The following NLGN1 variants were observed in gnomAD, a reference collection of about 807,000 sequenced individuals.
The protein encoded by NLGN1 is neuroligin-1.
In NLGN1, 12 loss-of-function variants were observed where a neutral mutation model predicts 65.5. That is an observed-to-expected ratio of 0.18 (90% CI 0.12 to 0.30). The LOEUF (loss-of-function observed/expected upper bound fraction) is 0.30, where lower values mean the gene tolerates loss of function less well. Among genes scored for constraint, NLGN1 ranks in the 10% least tolerant of loss-of-function variants. The pLI, the probability that NLGN1 is intolerant of heterozygous loss-of-function variation, is 1.00. For missense variants in NLGN1, 750 were observed against 1,007.1 expected, an observed-to-expected ratio of 0.74 and a Z score of 3.46; for synonymous variants, 350 against 359.5, an observed-to-expected ratio of 0.97 and a Z score of 0.30.
intron 3 of NLGN1, among the ~76,000 whole-genome samples, chr3:173,671,192 C>T (rs138417743): frequency 6.8e-4 from 104 of 152,232 alleles, no homozygotes; most frequent in South Asian, 2.1e-3. Context: ...AAACCTATAG[C>T]GAAATAATAT....
chr3:174,232,419 T>G (rs1016735630), intron 4 of NLGN1, among the ~76,000 whole-genome samples: 1 of 152,172 alleles, frequency 6.6e-6, no homozygotes, highest in African/African-American at 2.4e-5. Context: ...ATGGCTTAGC[T>G]TGGGCTCAGA....
chr3:173,803,046 G>T lies in NLGN1; in HGVS notation c.494-4634G>T, dbSNP rs139274024. On this transcript the variant is annotated intron_variant, in intron 3 of 6. Coordinates refer to ENST00000457714, the Ensembl canonical transcript of NLGN1. ...TAGTAGAGACATGGTTCATCATGTT[G>T]GCCAGGCTGGTCTCGAACTCCTGAC... is the stretch of plus-strand genomic sequence containing the variant. 4.5e-3 allele frequency among the ~76,000 whole-genome samples: 688 copies of T among 151,796 alleles called. 4 individuals are homozygous for T. Among genetic ancestry groups the T allele is most frequent in the Middle Eastern group, 0.031 (9 of 294 alleles).
At chr3:173,486,376 A>G (rs192681224) in intron 2 of NLGN1, among the ~76,000 whole-genome samples, 1 of 152,170 alleles carries the variant, frequency 6.6e-6, no homozygotes, top group East Asian at 1.9e-4. Context: ...TATGCTTCTA[A>G]TGTTCACCGA....
intron 4 of NLGN1, among the ~76,000 whole-genome samples, chr3:174,266,044 AT>A (rs1392472087): frequency 1.1e-4 from 13 of 123,010 alleles, no homozygotes; most frequent in African/African-American, 4.6e-4. Flanking sequence ...ATATATATAT[AT>A]ATTTTTTTTT....
chr3:173,862,950 A>G (rs1729432525), intron 4 of NLGN1, among the ~76,000 whole-genome samples: 2 of 152,154 alleles, frequency 1.3e-5, no homozygotes, highest in Admixed American at 1.3e-4. Flanking sequence ...CTCTGCAAAT[A>G]GTTCTGTAGT....
chr3:173,430,221 C>T (rs1037230502), intron 1 of NLGN1, among the ~76,000 whole-genome samples: 24 of 152,168 alleles, frequency 1.6e-4, no homozygotes, highest in South Asian at 1.5e-3. Context: ...CTCTTGCTTG[C>T]GGTTTTTCAT....
chr3:174,117,706 C>G (rs1716840059), intron 4 of NLGN1, among the ~76,000 whole-genome samples: 2 of 152,020 alleles, frequency 1.3e-5, no homozygotes, highest in African/African-American at 4.8e-5. Flanking sequence ...CCATGTCTAA[C>G]ACACCTGAAA....
intron 1 of NLGN1, among the ~76,000 whole-genome samples, chr3:173,412,770 C>CT (rs1232351993): frequency 1.3e-5 from 2 of 152,222 alleles, no homozygotes; most frequent in Non-Finnish European, 2.9e-5. Flanking sequence ...CTCCACCCCA[C>CT]TTTGACAGCA....
intron 1 of NLGN1, among the ~76,000 whole-genome samples, chr3:173,406,190 GGA>G (rs1718616475): frequency 6.6e-6 from 1 of 151,816 alleles, no homozygotes; most frequent in South Asian, 2.1e-4. Context: ...CAAATATACT[GGA>G]TGAGAAAGAT....
chr3:174,009,893 A>G (rs1315432995), intron 4 of NLGN1, among the ~76,000 whole-genome samples: 3 of 152,124 alleles, frequency 2.0e-5, no homozygotes, highest in Admixed American at 6.6e-5. Flanking sequence ...AGCTTGAGCA[A>G]AGTCAGAGAA....
chr3:173,536,428 T>C (rs376995666), intron 2 of NLGN1, among the ~76,000 whole-genome samples: 3 of 152,282 alleles, frequency 2.0e-5, no homozygotes, highest in African/African-American at 7.2e-5. Flanking sequence ...GGAAAAAAAG[T>C]AAATAATCTT....
chr3:174,288,374 G>A (rs891443470), downstream of NLGN1, among the ~76,000 whole-genome samples: 1 of 151,388 alleles, frequency 6.6e-6, no homozygotes, highest in Admixed American at 6.6e-5. Context: ...TTAATCCTTT[G>A]CCACAACCTC....
intron 2 of NLGN1, among the ~76,000 whole-genome samples, chr3:173,525,582 A>G (rs62291333): frequency 0.46 from 69,532 of 151,532 alleles, 16,845 homozygotes; most frequent in East Asian, 0.87. Flanking sequence ...ATCTTTTTTA[A>G]TTTTCAGTCT....
chr3:173,708,643 CT>C (rs1337649196), intron 3 of NLGN1, among the ~76,000 whole-genome samples: 1 of 152,128 alleles, frequency 6.6e-6, no homozygotes, highest in Non-Finnish European at 1.5e-5. Context: ...AACACATCCA[CT>C]GGGCCCCCTA....
rs375698045 is a variant in NLGN1, at chr3:174,239,271, G to T, written c.647-36044G>T. Among the ~76,000 whole-genome samples, 15 of 152,140 alleles carry T rather than the reference G, an allele frequency of 9.9e-5. 1 individual carries two copies. In the East Asian group the frequency reaches 2.5e-3, roughly 26 times the overall value. ...TTTAGTAGAGATGGACTTTCACCAT[G>T]TTGGCCAAGCTGGTCTCAAACTCCT... is the stretch of plus-strand genomic sequence containing the variant. On this transcript the variant is annotated intron_variant, in intron 4 of 6. Transcript: ENST00000457714.
intron 4 of NLGN1, among the ~76,000 whole-genome samples, chr3:173,971,270 G>C (rs16832408): frequency 6.6e-6 from 1 of 152,056 alleles, no homozygotes; most frequent in Non-Finnish European, 1.5e-5. Context: ...ATGAGATGTC[G>C]GTTGTGATAA....
At chr3:174,182,020 T>TTGGACTA (rs1179226588) in intron 4 of NLGN1, among the ~76,000 whole-genome samples, 3 of 148,054 alleles carry the variant, frequency 2.0e-5, no homozygotes, top group African/African-American at 7.6e-5. Context: ...CCGAATAAAC[T>TTGGACTA]TGGACTATCA....
intron 3 of NLGN1, among the ~76,000 whole-genome samples, chr3:173,667,622 A>C (rs367946260): frequency 2.3e-4 from 35 of 151,898 alleles, no homozygotes; most frequent in Admixed American, 1.8e-3. Context: ...TTTGGTTGCT[A>C]TTTTTTCTGA....
intron 3 of NLGN1, 93 bp downstream of exon 3, chr3:173,605,686 A>G: frequency 1.8e-6 from 1 of 560,574 alleles, no homozygotes; most frequent in Non-Finnish European, 3.0e-6. Flanking sequence ...GATGCTGGGA[A>G]GTAAATGGTT....
Sources: gnomAD v4.1 joint callset for allele counts (sites outside exome capture counted in the v4.1 genomes callset) on GRCh38, gnomAD v4.1.1 for gene constraint, MANE v1.5 for transcripts, NCBI Gene and HGNC (gene_info 2026-07-23, HGNC 2026-07-21) for gene names.